ST3GAL1: variants seen among roughly 807,000 people sequenced by gnomAD.
ST3GAL1 encodes CMP-N-acetylneuraminate-beta-galactosamide-alpha-2,3-sialyltransferase 1.
A neutral mutation model predicts 34.1 loss-of-function variants in ST3GAL1; 16 were observed. The observed-to-expected ratio is 0.47, with a 90% CI of 0.32 to 0.71. ST3GAL1 has a LOEUF of 0.71. Among genes scored for constraint, ST3GAL1 ranks in the 30% least tolerant of loss-of-function variants. The probability of loss-of-function intolerance (pLI) is 0.04; values close to 1 mark genes in which losing one functional copy is unlikely to be tolerated. For missense variants in ST3GAL1, 353 were observed against 447.4 expected, an observed-to-expected ratio of 0.79 and a Z score of 1.90; for synonymous variants, 191 against 184.7, an observed-to-expected ratio of 1.03 and a Z score of -0.28.
At chr8:133,470,332 T>C (rs2130932500) in intron 5 of ST3GAL1, among the ~76,000 whole-genome samples, 1 of 151,150 alleles carries the variant, frequency 6.6e-6, no homozygotes, top group Admixed American at 6.6e-5. Flanking sequence ...GGCAGGAGAA[T>C]CACTTGAACC....
intron 1 of ST3GAL1, among the ~76,000 whole-genome samples, chr8:133,558,524 C>G (rs879681215): frequency 8.5e-5 from 13 of 152,186 alleles, no homozygotes; most frequent in Non-Finnish European, 1.9e-4. Flanking sequence ...TTTGCAAATG[C>G]TAAGATTTTA....
chr8:133,477,761 G>A (rs184987510), intron 3 of ST3GAL1, among the ~76,000 whole-genome samples: 23 of 152,148 alleles, frequency 1.5e-4, no homozygotes, highest in East Asian at 1.2e-3. Context: ...GCCCTGGAGC[G>A]TGGTCTTTTT....
At chr8:133,540,880 G>GAGACATATATAGAGACATATATATAA (rs1818468651) in intron 2 of ST3GAL1, among the ~76,000 whole-genome samples, 1 of 45,054 alleles carries the variant, frequency 2.2e-5, no homozygotes, top group African/African-American at 1.2e-4. Context: ...CATATATATA[G>GAGACATATATAGAGACATATATATAA]AGACATATAT....
chr8:133,486,697 C>T (rs1046996171), intron 3 of ST3GAL1, among the ~76,000 whole-genome samples: 15 of 152,152 alleles, frequency 9.9e-5, no homozygotes, highest in African/African-American at 3.1e-4. Flanking sequence ...AAATCAGTCT[C>T]GAATGAAGCC....
intron 1 of ST3GAL1, among the ~76,000 whole-genome samples, chr8:133,551,561 AG>A (rs1818851177): frequency 7.1e-6 from 1 of 141,150 alleles, no homozygotes; most frequent in South Asian, 2.5e-4. Context: ...AAAGAAAGAA[AG>A]AAAGAAAGAA....
intron 2 of ST3GAL1, among the ~76,000 whole-genome samples, chr8:133,523,215 G>A (rs1817863213): frequency 6.6e-6 from 1 of 152,074 alleles, no homozygotes; most frequent in Admixed American, 6.6e-5. Context: ...TCTGTGGGGG[G>A]TTGCTAATCT....
chr8:133,468,633 A>T (rs1416039418), intron 5 of ST3GAL1, among the ~76,000 whole-genome samples: 1 of 152,246 alleles, frequency 6.6e-6, no homozygotes, highest in Non-Finnish European at 1.5e-5. Context: ...GATAAATATT[A>T]TGAATATGTT....
At chr8:133,543,134 T>C (rs1428049694) in intron 2 of ST3GAL1, among the ~76,000 whole-genome samples, 4 of 152,234 alleles carry the variant, frequency 2.6e-5, no homozygotes, top group Non-Finnish European at 2.9e-5. Context: ...CAGTGCCTCT[T>C]GATACAATGC....
In ST3GAL1 at chr8:133,465,993, C is replaced by T; in HGVS notation, c.404G>A (p.Arg135Lys). 6.2e-7 allele frequency: 1 copy of T among 1,614,226 alleles called. No individual in the cohort carries two copies. Among genetic ancestry groups the T allele is most frequent in the African/African-American group, 1.3e-5 (1 of 75,060 alleles). ...GGCGCAGCGCCGGCAGCCCACCGAC[C>T]TCTTCTCCAGCATAGGGTCCACATT... is the stretch of plus-strand genomic sequence containing the variant. The part of the protein sequence containing the change: ...PGNVDPMLEK[R>K]SVGCRRCAVV... Residue 135 changes from arginine to lysine, a missense_variant, in exon 6 of 10, where the codon AGG becomes AAG. By Grantham distance (26) the Arg-to-Lys change is conservative. Transcript: ENST00000522652.
At position 133,570,292 on chromosome 8, in the gene ST3GAL1, G is replaced by A. The variant is rs1360010281; in HGVS notation, c.-582+1401C>T. The A allele has an allele frequency of 3.3e-5, 5 of 152,398 alleles. No individual in the cohort carries two copies. Among genetic ancestry groups the A allele is most frequent in the Admixed American group, 2.6e-4 (4 of 15,314 alleles). The allele number at this position is 152,398 out of a possible 1,614,324, so 9.4% of individuals were successfully genotyped here. On this transcript the variant is annotated intron_variant, in intron 1 of 9. Transcript: ENST00000522652. The surrounding 1 kb of genome is among the most constrained non-coding windows in gnomAD (Gnocchi z 5.6). ...AGTCGGGAGAGGCCAGGGGTGCCCGGAAACAATCACGAGAAAGCCGGGCGA... is the reference window on the plus strand; with the variant it reads ...AGTCGGGAGAGGCCAGGGGTGCCCGAAAACAATCACGAGAAAGCCGGGCGA...
intron 2 of ST3GAL1, among the ~76,000 whole-genome samples, chr8:133,530,095 T>C (rs1366142264): frequency 1.3e-5 from 2 of 152,188 alleles, no homozygotes; most frequent in East Asian, 3.9e-4. Flanking sequence ...GCCCCGCCCT[T>C]GAAGGCATTC....
chr8:133,557,497 T>C (rs565749089), intron 1 of ST3GAL1, among the ~76,000 whole-genome samples: 1 of 152,198 alleles, frequency 6.6e-6, no homozygotes, highest in Non-Finnish European at 1.5e-5. Context: ...ATCCAGGTTC[T>C]GCCTGATGAT....
chr8:133,540,388 C>T (rs58914007), intron 2 of ST3GAL1, among the ~76,000 whole-genome samples: 49,982 of 152,028 alleles, frequency 0.33, 9,928 homozygotes, highest in East Asian at 0.61. Flanking sequence ...GCTGATAACA[C>T]ATTTTTGTTG....
chr8:133,551,254 G>C (rs565417346), intron 1 of ST3GAL1, among the ~76,000 whole-genome samples: 8 of 152,080 alleles, frequency 5.3e-5, no homozygotes, highest in Non-Finnish European at 1.2e-4. Flanking sequence ...TGGATCACGA[G>C]GTCAAGAGAT....
Position 133,459,826 on chromosome 8 carries a change from C to G in ST3GAL1, c.961G>C (p.Glu321Gln), listed in dbSNP as rs772942339. 2 of 1,614,116 alleles carry G rather than the reference C, an allele frequency of 1.2e-6. No individual in the cohort carries two copies. The highest frequency in any genetic ancestry group is 1.7e-6 in the Non-Finnish European group (2 of 1,179,990). ...GCCAAGGTGGCCGTCACGTTAGACTCAAAGTCTGCATCGTGCACCCCCGTC... is the reference window on the plus strand; with the variant it reads ...GCCAAGGTGGCCGTCACGTTAGACTGAAAGTCTGCATCGTGCACCCCCGTC... ...RKTGVHDADF[E>Q]SNVTATLASI... The change falls in exon 10 of 10, where the codon GAG becomes CAG. Residue 321 changes from glutamate (E) to glutamine (Q), a missense_variant. Physicochemically the swap from Glu to Gln is conservative, Grantham distance 29 (BLOSUM62 2). Transcript: ENST00000522652. This position sits in a 1 kb window ranked among gnomAD's most constrained non-coding sequence, Gnocchi z 4.7.
chr8:133,551,803 G>A (rs1003647909), intron 1 of ST3GAL1, among the ~76,000 whole-genome samples: 13 of 152,182 alleles, frequency 8.5e-5, no homozygotes, highest in Non-Finnish European at 2.9e-5. Flanking sequence ...CATTTTTTAA[G>A]TACTTACAGG....
intron 3 of ST3GAL1, among the ~76,000 whole-genome samples, chr8:133,491,995 G>A (rs1816800457): frequency 1.3e-5 from 2 of 152,152 alleles, no homozygotes; most frequent in Non-Finnish European, 2.9e-5. Context: ...AGTGGGAGGA[G>A]CGAAAACATG....
chr8:133,474,353 C>CT (rs1255451598), intron 5 of ST3GAL1, among the ~76,000 whole-genome samples: 1 of 152,206 alleles, frequency 6.6e-6, no homozygotes, highest in Non-Finnish European at 1.5e-5. Flanking sequence ...AGGAAAGACT[C>CT]TATCTTTTCC....
At chr8:133,555,719 G>A (rs1032175467) in intron 1 of ST3GAL1, among the ~76,000 whole-genome samples, 16 of 152,134 alleles carry the variant, frequency 1.1e-4, no homozygotes, top group African/African-American at 2.7e-4. Flanking sequence ...CACAGGAGTC[G>A]GCGGGTGCCT....
Sources: allele counts gnomAD v4.1 joint callset (sites outside exome capture counted in the v4.1 genomes callset), GRCh38; gene constraint gnomAD v4.1.1; non-coding constraint Gnocchi (gnomAD v3.1); transcripts MANE v1.5; gene names NCBI Gene and HGNC (gene_info 2026-07-23, HGNC 2026-07-21).